The following GALNT2 variants were observed in gnomAD, a reference collection of about 807,000 sequenced individuals.
The protein encoded by GALNT2 is polypeptide N-acetylgalactosaminyltransferase 2, also known as UDP-GalNAc:polypeptide N-acetylgalactosaminyltransferase 2.
Under a neutral mutation model 81.4 loss-of-function variants are expected in GALNT2, and 31 were observed. The ratio of observed to expected loss-of-function variants is 0.38; its 90% CI spans 0.29 to 0.51. The LOEUF is 0.51. Among genes scored for constraint, GALNT2 ranks in the 20% least tolerant of loss-of-function variants. GALNT2 has a pLI of 0.87. For missense variants in GALNT2, 629 were observed against 765.7 expected (o/e 0.82, Z 2.11); for synonymous variants, 303 against 287.4 (o/e 1.05, Z -0.55).
intron 3 of GALNT2, among the ~76,000 whole-genome samples, chr1:230,206,374 G>A (rs907596939): frequency 6.6e-6 from 1 of 152,030 alleles, no homozygotes; most frequent in African/African-American, 2.4e-5. Flanking sequence ...TTTAATTTTA[G>A]TTCCAGCCAG....
chr1:230,059,816 A>G (rs1659002104), intron 1 of GALNT2, among the ~76,000 whole-genome samples: 1 of 152,148 alleles, frequency 6.6e-6, no homozygotes, highest in Non-Finnish European at 1.5e-5. Context: ...TTTTTCTTGA[A>G]TCTTTTGAAA....
At chr1:230,153,287 C>T (rs979629641) in intron 1 of GALNT2, among the ~76,000 whole-genome samples, 1 of 152,168 alleles carries the variant, frequency 6.6e-6, no homozygotes, top group Admixed American at 6.5e-5. Flanking sequence ...AGGCCCATTG[C>T]CATGCCTGAG....
Position 230,239,151 on chromosome 1 carries a change from A to G in GALNT2, c.607+2426A>G, listed in dbSNP as rs202100953. Among the ~76,000 whole-genome samples the G allele has an allele frequency of 4.6e-4, 70 of 152,200 alleles. 1 individual carries two copies. The East Asian group carries it at 9.1e-3, about 20-fold the overall frequency. On this transcript the variant is annotated intron_variant, in intron 6 of 15. Coordinates refer to ENST00000366672, the MANE Select transcript of GALNT2 (RefSeq NM_004481.5). ...TTTTTTTACTGTTTGTCGGATTAGT[A>G]TTACTATTTTATTGATTTTGGTAAT...
chr1:230,095,900 C>T (rs1286425316), intron 1 of GALNT2, among the ~76,000 whole-genome samples: 1 of 152,222 alleles, frequency 6.6e-6, no homozygotes, highest in African/African-American at 2.4e-5. Context: ...GCCAAGGCCT[C>T]AGACAGGTGA....
At chr1:230,126,746 G>A (rs995791249) in intron 1 of GALNT2, among the ~76,000 whole-genome samples, 1 of 152,198 alleles carries the variant, frequency 6.6e-6, no homozygotes, top group African/African-American at 2.4e-5. Context: ...TCTCATTGGA[G>A]GTCATAGATT....
intron 1 of GALNT2, among the ~76,000 whole-genome samples, chr1:230,164,490 T>C (rs1572038186): frequency 6.6e-6 from 1 of 151,422 alleles, no homozygotes; most frequent in South Asian, 2.1e-4. Context: ...CTGCATCCGA[T>C]CATGTGATCT....
chr1:230,248,501 C>T (rs1206458470), intron 8 of GALNT2, among the ~76,000 whole-genome samples: 1 of 152,156 alleles, frequency 6.6e-6, no homozygotes, highest in Non-Finnish European at 1.5e-5. Flanking sequence ...GACCTGAGGC[C>T]CTGCAGATGC....
intron 1 of GALNT2, among the ~76,000 whole-genome samples, chr1:230,061,451 C>A (rs1659045009): frequency 6.6e-6 from 1 of 152,142 alleles, no homozygotes; most frequent in Non-Finnish European, 1.5e-5. Flanking sequence ...CTTTAAAATT[C>A]TTTCCAGTTC....
intron 1 of GALNT2, among the ~76,000 whole-genome samples, chr1:230,073,488 T>G (rs2102744848): frequency 6.6e-6 from 1 of 152,290 alleles, no homozygotes; most frequent in South Asian, 2.1e-4. Context: ...CAGCACAGGG[T>G]GAAACACTGG....
intron 3 of GALNT2, among the ~76,000 whole-genome samples, chr1:230,225,851 A>G (rs535078223): frequency 2.6e-5 from 4 of 152,312 alleles, no homozygotes; most frequent in East Asian, 1.9e-4. Flanking sequence ...AGCAACCTGT[A>G]TAAGCCTTGC....
upstream of GALNT2, chr1:230,067,132 G>T (rs1019005409): frequency 8.2e-6 from 2 of 244,616 alleles, no homozygotes; most frequent in Non-Finnish European, 1.4e-5. Flanking sequence ...AGTGCGCGCC[G>T]CCGCCGAGCA....
intron 1 of GALNT2, among the ~76,000 whole-genome samples, chr1:230,129,329 T>G (rs1006539667): frequency 1.3e-5 from 2 of 152,202 alleles, no homozygotes; most frequent in Non-Finnish European, 2.9e-5. Flanking sequence ...TACTATTTTA[T>G]TTTTTAGAGA....
intron 2 of GALNT2, among the ~76,000 whole-genome samples, chr1:230,200,582 CA>C (rs1663859878): frequency 6.6e-6 from 1 of 152,184 alleles, no homozygotes; most frequent in African/African-American, 2.4e-5. Context: ...GGTCTTATTC[CA>C]GAAGGGCTGT....
intron 2 of GALNT2, among the ~76,000 whole-genome samples, chr1:230,190,653 C>G (rs887630593): frequency 3.9e-5 from 6 of 152,192 alleles, no homozygotes; most frequent in African/African-American, 1.2e-4. Flanking sequence ...TCTCTCTTCT[C>G]TCCTGAAACG....
At chr1:230,146,870 G>A (rs761894703) in intron 1 of GALNT2, among the ~76,000 whole-genome samples, 4 of 152,172 alleles carry the variant, frequency 2.6e-5, no homozygotes, top group Non-Finnish European at 4.4e-5. Flanking sequence ...GGTTAGGTAA[G>A]AACCACGCAG....
chr1:230,068,419 G>A (rs1659274502), intron 1 of GALNT2, among the ~76,000 whole-genome samples: 1 of 152,250 alleles, frequency 6.6e-6, no homozygotes, highest in African/African-American at 2.4e-5. Flanking sequence ...TGGCTCCTCG[G>A]CTTTGAAAGC....
chr1:230,146,280 G>A (rs985546435), intron 1 of GALNT2, among the ~76,000 whole-genome samples: 1 of 152,168 alleles, frequency 6.6e-6, no homozygotes, highest in Non-Finnish European at 1.5e-5. Flanking sequence ...GGAGTCCCGC[G>A]CCTTCTCTCC....
intron 1 of GALNT2, among the ~76,000 whole-genome samples, chr1:230,060,521 C>T (rs1439530886): frequency 6.6e-6 from 1 of 152,068 alleles, no homozygotes; most frequent in Non-Finnish European, 1.5e-5. Context: ...CCCCCATCCC[C>T]TCACCACCAC....
intron 2 of GALNT2, among the ~76,000 whole-genome samples, chr1:230,190,622 C>G (rs1663491458): frequency 1.3e-5 from 2 of 152,186 alleles, no homozygotes; most frequent in African/African-American, 4.8e-5. Flanking sequence ...GCTCTGACTC[C>G]CTGATCGGGG....
Sources: gnomAD v4.1 joint callset for allele counts (sites outside exome capture counted in the v4.1 genomes callset) on GRCh38, gnomAD v4.1.1 for gene constraint, MANE v1.5 for transcripts, NCBI Gene and HGNC (gene_info 2026-07-23, HGNC 2026-07-21) for gene names.